Variants in PPP1R12A observed in about 807,000 individuals in gnomAD.
PPP1R12A encodes myosin binding subunit.
PPP1R12A carries 19 observed loss-of-function variants against 139.6 expected under a neutral mutation model. The ratio of observed to expected loss-of-function variants is 0.14; its 90% confidence interval spans 0.09 to 0.20. The LOEUF is 0.20. PPP1R12A is among the 10% of genes least tolerant of loss of function. PPP1R12A has a pLI of 1.00. For synonymous variants in PPP1R12A, 427 were observed against 420.6 expected (o/e 1.02, Z -0.19); for missense variants, 925 against 1,211.5 (o/e 0.76, Z 3.51).
At position 79,781,843 on chromosome 12, in the gene PPP1R12A, T is replaced by A; in HGVS notation, c.2927A>T (p.Asp976Val). The A allele has an allele frequency of 6.5e-7, 1 of 1,544,188 alleles. No homozygotes were observed. Residue 976 changes from aspartate to valine, a missense_variant, in exon 23 of 25, where the codon GAT becomes GTT. This residue lies in a region of PPP1R12A where 315 missense variants were observed against 363.4 expected (regional missense o/e 0.87). Transcript: ENST00000450142. ...TTTTTCCATTTCCAACAGTGATCTA[T>A]CAGCAAATCTTTCTTGTCTCTGCAA... ...KATQRQERFA[D>V]RSLLEMEKRE...
intron 2 of PPP1R12A, among the ~76,000 whole-genome samples, chr12:79,869,541 T>C (rs746071730): frequency 6.6e-6 from 1 of 152,172 alleles, no homozygotes; most frequent in African/African-American, 2.4e-5. Flanking sequence ...TTATACAAAC[T>C]GCATCTTGAG....
At chr12:79,879,389 T>C (rs1456108045) in intron 1 of PPP1R12A, among the ~76,000 whole-genome samples, 2 of 151,810 alleles carry the variant, frequency 1.3e-5, no homozygotes, top group Non-Finnish European at 2.9e-5. Context: ...AACAACCAAA[T>C]TGCTGGTGAA....
intron 1 of PPP1R12A, among the ~76,000 whole-genome samples, chr12:79,890,970 C>G (rs1884586551): frequency 6.8e-6 from 1 of 147,594 alleles, no homozygotes; most frequent in Non-Finnish European, 1.5e-5. Flanking sequence ...CTCTCTTTCT[C>G]TCTCTCTCCA....
At position 79,914,453 on chromosome 12, in the gene PPP1R12A, G is replaced by T. The variant is rs951615222; in HGVS notation, c.237+20242C>A. Among the ~76,000 whole-genome samples the T allele has an allele frequency of 1.8e-4, 27 of 151,840 alleles. 1 individual carries two copies. The highest frequency in any genetic ancestry group is 1.7e-3 in the Admixed American group (26 of 15,242). ...CTTGATTTTTAATATTATAAAGGGG[G>T]TCCTAAAACCAAAAAGTCTGATAAC... On this transcript the variant is annotated intron_variant, in intron 1 of 24. Coordinates refer to ENST00000450142, the MANE Select transcript of PPP1R12A (RefSeq NM_002480.3).
At chr12:79,797,168 T>C (rs749135436) in intron 16 of PPP1R12A, 27 bp downstream of exon 16, 2 of 1,536,642 alleles carry the variant, frequency 1.3e-6, no homozygotes, top group South Asian at 2.4e-5. Flanking sequence ...ACCATTTGAC[T>C]TAAATGTGCT....
intron 17 of PPP1R12A, among the ~76,000 whole-genome samples, chr12:79,796,388 G>C (rs1296146956): frequency 2.6e-5 from 4 of 152,060 alleles, no homozygotes; most frequent in Non-Finnish European, 5.9e-5. Context: ...CATGTAGTTA[G>C]TAATTTTAGT....
At chr12:79,858,642 T>C (rs2137271211) in intron 2 of PPP1R12A, among the ~76,000 whole-genome samples, 1 of 152,272 alleles carries the variant, frequency 6.6e-6, no homozygotes, top group African/African-American at 2.4e-5. Flanking sequence ...GGTTCAAGAA[T>C]TTCTGAAATT....
chr12:79,839,847 A>G (rs1036481262), intron 3 of PPP1R12A, among the ~76,000 whole-genome samples: 10 of 152,124 alleles, frequency 6.6e-5, no homozygotes, highest in African/African-American at 2.4e-4. Context: ...TTTACAAATT[A>G]CCCAGTCTTG....
chr12:79,828,756 T>TAA, intron 4 of PPP1R12A, among the ~76,000 whole-genome samples: 1 of 152,262 alleles, frequency 6.6e-6, no homozygotes, highest in East Asian at 1.9e-4. Context: ...ATATGACTTG[T>TAA]AAGTGAAATT....
At chr12:79,836,421 T>C (rs1878089499) in intron 3 of PPP1R12A, among the ~76,000 whole-genome samples, 4 of 152,194 alleles carry the variant, frequency 2.6e-5, no homozygotes, top group African/African-American at 9.6e-5. Context: ...TCTTTTACTA[T>C]TCTGTTTCCT....
At chr12:79,843,094 C>T (rs1382979063) in intron 3 of PPP1R12A, among the ~76,000 whole-genome samples, 1 of 152,112 alleles carries the variant, frequency 6.6e-6, no homozygotes, top group Non-Finnish European at 1.5e-5. Context: ...TAAAGTCCTC[C>T]ATGCTGTAGC....
chr12:79,825,640 G>A (rs755125282), intron 5 of PPP1R12A: 6 of 151,634 alleles, frequency 4.0e-5, no homozygotes, highest in Non-Finnish European at 5.9e-5. Context: ...CCCAAATCAT[G>A]TTTTCTAGTA....
chr12:79,818,323 A>C (rs1480064362), intron 8 of PPP1R12A, among the ~76,000 whole-genome samples: 2 of 152,112 alleles, frequency 1.3e-5, no homozygotes, highest in Non-Finnish European at 2.9e-5. Context: ...GGCTCACTGA[A>C]GCCTGTTACC....
Position 79,934,959 on chromosome 12 carries a change from T to G in PPP1R12A, c.-28A>C, listed in dbSNP as rs559488585. 2 of 1,556,998 alleles carry G rather than the reference T, an allele frequency of 1.3e-6. No individual in the cohort carries two copies. The highest frequency in any genetic ancestry group is 3.8e-5 in the Admixed American group (2 of 52,866). On this transcript the variant is annotated 5_prime_UTR_variant, in exon 1 of 25. Transcript: ENST00000450142. ...CCTCTCCTGCCGCCGGGTCTTCTTA[T>G]CGCGAGGGGGGGAAGGGGGAGGCGG...
intron 2 of PPP1R12A, among the ~76,000 whole-genome samples, chr12:79,846,370 C>T (rs752795059): frequency 2.0e-5 from 3 of 152,152 alleles, no homozygotes; most frequent in South Asian, 2.1e-4. Flanking sequence ...AACAGCACAT[C>T]TCCCAGAGTC....
Position 79,935,074 on chromosome 12 carries a change from A to G in PPP1R12A, c.-143T>C. ...TGGGAACCCGGAGCCGACGCTCGAG[A>G]CTTCCAGTATCCCACAGAGCACTGG... On this transcript the variant is annotated 5_prime_UTR_variant, in exon 1 of 25. Transcript: ENST00000450142. The G allele has an allele frequency of 2.1e-6, 3 of 1,406,422 alleles. No individual in the cohort carries two copies. Among genetic ancestry groups the G allele is most frequent in the Admixed American group, 3.1e-5 (1 of 32,376 alleles). 87.1% of individuals were successfully genotyped at this position (1,406,422 alleles called of 1,614,324 possible).
intron 24 of PPP1R12A, chr12:79,777,059 T>C: frequency 1.7e-6 from 1 of 586,478 alleles, no homozygotes; most frequent in Non-Finnish European, 2.1e-6. Flanking sequence ...ATTTGAATAT[T>C]TGTAATATAA....
intron 3 of PPP1R12A, among the ~76,000 whole-genome samples, chr12:79,839,669 C>G (rs1023986836): frequency 2.0e-4 from 31 of 152,248 alleles, no homozygotes; most frequent in Admixed American, 2.6e-4. Context: ...GCACTTCTCT[C>G]TCCTGCCACC....
chr12:79,931,161 C>T (rs185469528), intron 1 of PPP1R12A, among the ~76,000 whole-genome samples: 24 of 152,190 alleles, frequency 1.6e-4, no homozygotes, highest in South Asian at 4.1e-4. Context: ...AACGGATAAA[C>T]GTAAAATTAT....
Sources: gnomAD v4.1 joint callset for allele counts (sites outside exome capture counted in the v4.1 genomes callset) on GRCh38, gnomAD v4.1.1 for gene constraint, gnomAD v4.1.1 regional missense constraint, MANE v1.5 for transcripts, NCBI Gene and HGNC (gene_info 2026-07-23, HGNC 2026-07-21) for gene names.